NOS1: variants seen among roughly 807,000 people sequenced by gnomAD.
The protein encoded by NOS1 is nitric oxide synthase 1, also known as NOS type I.
In NOS1, 51 loss-of-function variants were observed where a neutral mutation model predicts 164.5. That is an observed-to-expected ratio of 0.31 (90% CI 0.25 to 0.39). The LOEUF (loss-of-function observed/expected upper bound fraction) is 0.39. Ranked by LOEUF, NOS1 falls within the 10% of genes least tolerant of loss-of-function variation. The pLI is 1.00. For missense variants in NOS1, 1,362 were observed against 1,885.6 expected (o/e 0.72, Z 5.14); for synonymous variants, 719 against 745.8 (o/e 0.96, Z 0.59).
chr12:117,224,869 G>A (rs1017485759), intron 25 of NOS1, 147 bp downstream of exon 25: 4 of 999,058 alleles, frequency 4.0e-6, no homozygotes, highest in East Asian at 2.4e-5. Flanking sequence ...TTCACCTGTA[G>A]GTCAGGCTGG....
In NOS1 at chr12:117,210,611, A is replaced by T. The variant is rs1464934683; in HGVS notation, c.*4698T>A. 1 of 985,430 alleles carries T rather than the reference A, an allele frequency of 1.0e-6. No homozygotes were observed. Among genetic ancestry groups the T allele is most frequent in the African/African-American group, 1.7e-5 (1 of 57,258 alleles). The allele number at this position is 985,430 out of a possible 1,614,324, so 61.0% of individuals were successfully genotyped here. A position where few individuals can be genotyped will look rare whatever the true frequency, so the allele number is the denominator to read the frequency against. On this transcript the variant is annotated 3_prime_UTR_variant, in exon 29 of 29. Transcript: ENST00000317775. ...GCTGTCGGAGTGAAGGGGCTCAGGC[A>T]TCTGGATTGCCCATCCTATTAGGAC...
At chr12:117,278,416 AC>A (rs1235949589) in intron 8 of NOS1, among the ~76,000 whole-genome samples, 2 of 152,212 alleles carry the variant, frequency 1.3e-5, no homozygotes, top group African/African-American at 4.8e-5. Flanking sequence ...TTCCTCTAGT[AC>A]TGAGCTTTGT....
At chr12:117,329,804 A>G (rs1384323596) in intron 2 of NOS1, among the ~76,000 whole-genome samples, 1 of 151,920 alleles carries the variant, frequency 6.6e-6, no homozygotes, top group Non-Finnish European at 1.5e-5. Context: ...ATTCCCTTCT[A>G]CTCCTTCAGA....
At chr12:117,286,038 C>T (rs1874088484) in intron 6 of NOS1, 66 bp downstream of exon 6, 2 of 1,564,238 alleles carry the variant, frequency 1.3e-6, no homozygotes, top group South Asian at 1.1e-5. Context: ...TTTAAAGCTC[C>T]ATCCACTCCC....
chr12:117,336,950 C>T (rs1188318717), intron 1 of NOS1, among the ~76,000 whole-genome samples: 3 of 151,964 alleles, frequency 2.0e-5, no homozygotes, highest in Admixed American at 1.3e-4. Context: ...ACACACGCCA[C>T]CATGCCCAGC....
At chr12:117,215,434 C>CTT in intron 28 of NOS1, 110 bp from the exon 29 acceptor site, 3 of 1,180,372 alleles carry the variant, frequency 2.5e-6, no homozygotes, top group Admixed American at 6.6e-5. Context: ...GGCTTTGTCT[C>CTT]TTTCTTTTTT....
At chr12:117,355,886 A>G (rs139815481) in intron 1 of NOS1, among the ~76,000 whole-genome samples, 1,815 of 152,158 alleles carry the variant, frequency 0.012, 14 homozygotes, top group Admixed American at 0.019. Context: ...CAGCCTGCTG[A>G]GCAGCTGGGA....
chr12:117,335,035 G>C (rs10161234), intron 1 of NOS1, among the ~76,000 whole-genome samples: 8,048 of 152,168 alleles, frequency 0.053, 601 homozygotes, highest in African/African-American at 0.16. Flanking sequence ...TAATCACCTC[G>C]TCTCTGAGTA....
At position 117,220,287 on chromosome 12, in the gene NOS1, C is replaced by G. The variant is rs964114192; in HGVS notation, c.3976-18G>C. The G allele has an allele frequency of 1.1e-5, 18 of 1,592,042 alleles. No individual in the cohort carries two copies. Among genetic ancestry groups the G allele is most frequent in the Non-Finnish European group, 1.4e-5 (17 of 1,173,874 alleles). On this transcript the variant is annotated intron_variant, in intron 26 of 28. Coordinates refer to ENST00000317775, the MANE Select transcript of NOS1 (RefSeq NM_000620.5). ...ACGTACTTCTGCAAGGAGCAGAGAG[C>G]AGTGAGAAGGGGCTGGGCTGTGCAA...
At chr12:117,279,708 TGACCACGAG>T (rs1486617142) in intron 8 of NOS1, among the ~76,000 whole-genome samples, 1 of 152,230 alleles carries the variant, frequency 6.6e-6, no homozygotes, top group Non-Finnish European at 1.5e-5. Flanking sequence ...TATGTTCTGG[TGACCACGAG>T]GACAAGGTCA....
chr12:117,263,848 G>T (rs767343473), intron 13 of NOS1, 41 bp downstream of exon 13: 7 of 1,474,234 alleles, frequency 4.7e-6, no homozygotes, highest in South Asian at 1.1e-5. Flanking sequence ...CTCTGAGTTT[G>T]TGGGGACATC....
chr12:117,328,085 A>G (rs1463931058), intron 2 of NOS1, among the ~76,000 whole-genome samples: 1 of 152,142 alleles, frequency 6.6e-6, no homozygotes, highest in East Asian at 1.9e-4. Context: ...AGGACTCTGC[A>G]CAGGATCTTC....
intron 17 of NOS1, among the ~76,000 whole-genome samples, chr12:117,248,574 A>G (rs1592949407): frequency 6.6e-6 from 1 of 151,056 alleles, no homozygotes; most frequent in Non-Finnish European, 1.5e-5. Flanking sequence ...TATGTGCCAC[A>G]TTTTCTTAAT....
At position 117,330,748 on chromosome 12, in the gene NOS1, C is replaced by T; in HGVS notation, c.322G>A (p.Glu108Lys). Residue 108 changes from glutamate to lysine, a missense_variant, in exon 2 of 29, where the codon GAG (glutamate) becomes AAG (lysine). By Grantham distance (56) the Glu-to-Lys change is moderately conservative (BLOSUM62 1). Around this residue, in one of 4 missense-constraint regions of NOS1, gnomAD observed 362 missense variants for 402.0 expected, o/e 0.90. Coordinates refer to ENST00000317775, the MANE Select transcript of NOS1 (RefSeq NM_000620.5). This position sits in a 1 kb window ranked among gnomAD's most constrained non-coding sequence, Gnocchi z 4.6. ...GTCCCATCACCTGTAAAGGTGGTCT[C>T]CAGGTGCGTGGTGAAACCTTCAGGG... Reference protein sequence around the residue: ...RGPEGFTTHLETTFTGDGTPK... With the variant: ...RGPEGFTTHLKTTFTGDGTPK... 1 of 1,614,094 alleles carries T rather than the reference C, an allele frequency of 6.2e-7. No individual in the cohort carries two copies. The highest frequency in any genetic ancestry group is 8.5e-7 in the Non-Finnish European group (1 of 1,179,980).
At chr12:117,322,605 CCTTT>C (rs1305416594) in intron 2 of NOS1, among the ~76,000 whole-genome samples, 1 of 135,826 alleles carries the variant, frequency 7.4e-6, no homozygotes, top group Non-Finnish European at 1.6e-5. Flanking sequence ...CTCCCTCCTT[CCTTT>C]CTTCCTTCCT....
intron 1 of NOS1, among the ~76,000 whole-genome samples, chr12:117,337,333 G>A (rs1875883086): frequency 6.6e-6 from 1 of 151,812 alleles, no homozygotes. Flanking sequence ...AGCCAGGATG[G>A]TCTCGAGCTC....
At position 117,295,129 on chromosome 12, in the gene NOS1, A is replaced by T. The variant is rs564714911; in HGVS notation, c.853-4703T>A. On this transcript the variant is annotated intron_variant, in intron 3 of 28. Transcript: ENST00000317775. ...ATTGAGCACCTACTATATTTTGGGG[A>T]CTAGTATTCTAGGACTCAGCAGCCA... Among the ~76,000 whole-genome samples the T allele has an allele frequency of 8.5e-5, 13 of 152,142 alleles. No homozygotes were observed. The East Asian group carries it at 1.9e-3, about 23-fold the overall frequency.
At chr12:117,254,703 G>A (rs1871311927) in intron 16 of NOS1, among the ~76,000 whole-genome samples, 1 of 152,188 alleles carries the variant, frequency 6.6e-6, no homozygotes, top group Non-Finnish European at 1.5e-5. Context: ...TCAGCTTTGA[G>A]AACCACTGGG....
At chr12:117,338,173 C>G (rs1263916621) in intron 1 of NOS1, among the ~76,000 whole-genome samples, 1 of 151,914 alleles carries the variant, frequency 6.6e-6, no homozygotes, top group East Asian at 1.9e-4. Flanking sequence ...GGCGAGATTG[C>G]GCCACTGCAC....
Sources: allele counts gnomAD v4.1 joint callset (sites outside exome capture counted in the v4.1 genomes callset), GRCh38; gene constraint gnomAD v4.1.1; regional missense constraint gnomAD v4.1.1; non-coding constraint Gnocchi (gnomAD v3.1); transcripts MANE v1.5; gene names NCBI Gene and HGNC (gene_info 2026-07-23, HGNC 2026-07-21).